The following HIBADH variants were observed in gnomAD, a reference collection of about 807,000 sequenced individuals.
HIBADH encodes the protein 3-hydroxyisobutyrate dehydrogenase, mitochondrial.
In HIBADH, 25 loss-of-function variants were observed where a neutral mutation model predicts 36.1. The observed-to-expected ratio is 0.69, with a 90% CI of 0.50 to 0.97. The LOEUF is 0.97. Among genes scored for constraint, HIBADH ranks in the 50% least tolerant of loss-of-function variants. The pLI, the probability that HIBADH is intolerant of heterozygous loss-of-function variation, is 0.00. For synonymous variants in HIBADH, 160 were observed against 149.5 expected, an observed-to-expected ratio of 1.07 and a Z score of -0.51; for missense variants, 421 against 418.0, an observed-to-expected ratio of 1.01 and a Z score of -0.06.
intron 5 of HIBADH, among the ~76,000 whole-genome samples, chr7:27,540,011 T>C (rs998335387): frequency 4.6e-5 from 7 of 151,600 alleles, no homozygotes; most frequent in African/African-American, 1.7e-4. Context: ...TGTCTCGGGG[T>C]GACAGAGGCA....
intron 4 of HIBADH, among the ~76,000 whole-genome samples, chr7:27,566,406 C>A (rs1034142623): frequency 6.6e-6 from 1 of 151,746 alleles, no homozygotes; most frequent in African/African-American, 2.4e-5. Context: ...ATTTACACTG[C>A]AAAATTTATG....
intron 4 of HIBADH, among the ~76,000 whole-genome samples, chr7:27,590,771 G>C (rs1008532827): frequency 6.6e-6 from 1 of 152,130 alleles, no homozygotes; most frequent in African/African-American, 2.4e-5. Context: ...TCAAAGTTTG[G>C]TCATAATATT....
chr7:27,640,748 G>T (rs1057506191), intron 2 of HIBADH, among the ~76,000 whole-genome samples: 2 of 152,146 alleles, frequency 1.3e-5, no homozygotes, highest in African/African-American at 2.4e-5. Flanking sequence ...AGACCTTCAT[G>T]GTGTAGTGTA....
chr7:27,612,955 T>C (rs188050715), intron 4 of HIBADH, among the ~76,000 whole-genome samples: 1,799 of 138,818 alleles, frequency 0.013, 20 homozygotes, highest in Admixed American at 0.022. Context: ...AAAATATATA[T>C]ATATTATTTA....
At chr7:27,624,277 G>A (rs1384780480) in intron 4 of HIBADH, among the ~76,000 whole-genome samples, 3 of 152,112 alleles carry the variant, frequency 2.0e-5, no homozygotes, top group South Asian at 2.1e-4. Context: ...AACAAGGCTA[G>A]AGATGCCACA....
intron 4 of HIBADH, among the ~76,000 whole-genome samples, chr7:27,548,806 T>C (rs1784274036): frequency 6.6e-6 from 1 of 152,158 alleles, no homozygotes; most frequent in African/African-American, 2.4e-5. Flanking sequence ...GTCAGATGAA[T>C]GAGGGCAATC....
intron 1 of HIBADH, among the ~76,000 whole-genome samples, chr7:27,651,778 CA>C (rs1266472166): frequency 6.6e-6 from 1 of 152,112 alleles, no homozygotes; most frequent in Admixed American, 6.5e-5. Context: ...TCCTTGCCTT[CA>C]ACAAGCTTAA....
chr7:27,564,258 T>A (rs772377388), intron 4 of HIBADH, among the ~76,000 whole-genome samples: 1 of 152,220 alleles, frequency 6.6e-6, no homozygotes, highest in Non-Finnish European at 1.5e-5. Flanking sequence ...TTGGGTGCCA[T>A]ATCACAGAAT....
intron 4 of HIBADH, among the ~76,000 whole-genome samples, chr7:27,612,881 A>G (rs1157501989): frequency 6.8e-6 from 1 of 146,908 alleles, no homozygotes; most frequent in African/African-American, 2.5e-5. Flanking sequence ...CAGGAGTTCA[A>G]GGATGCAGTA....
At chr7:27,557,247 TATCTC>T (rs1357295256) in intron 4 of HIBADH, among the ~76,000 whole-genome samples, 1 of 152,092 alleles carries the variant, frequency 6.6e-6, no homozygotes, top group Admixed American at 6.5e-5. Context: ...ATTTATATAT[TATCTC>T]AAGAGAATGG....
chr7:27,625,052 A>G (rs148168561), intron 4 of HIBADH, among the ~76,000 whole-genome samples: 1 of 152,360 alleles, frequency 6.6e-6, no homozygotes, highest in African/African-American at 2.4e-5. Context: ...ACAATACCAC[A>G]GAGCAGTTAA....
At chr7:27,585,676 T>G (rs1270568793) in intron 4 of HIBADH, among the ~76,000 whole-genome samples, 1 of 152,150 alleles carries the variant, frequency 6.6e-6, no homozygotes, top group Non-Finnish European at 1.5e-5. Flanking sequence ...AGATCAAATG[T>G]CAATGACACA....
At position 27,581,845 on chromosome 7, in the gene HIBADH, C is replaced by CA. The variant is rs557830327; in HGVS notation, c.485-38746dup. Among the ~76,000 whole-genome samples, 1,089 of 143,222 alleles carry CA rather than the reference C, an allele frequency of 7.6e-3. 4 individuals are homozygous for CA. The highest frequency in any genetic ancestry group is 0.014 in the South Asian group (65 of 4,526). The allele number at this position is 143,222 out of a possible 152,430, so 94.0% of individuals were successfully genotyped here. A position where few individuals can be genotyped will look rare whatever the true frequency, so the allele number is the denominator to read the frequency against. ...AGATTCTATTACAAAAAGGAATCTACAAAAAAAAAACCCAATTCAAATGGA... is the reference window on the plus strand; with the variant it reads ...AGATTCTATTACAAAAAGGAATCTACAAAAAAAAAAACCCAATTCAAATGGA... On this transcript the variant is annotated intron_variant, in intron 4 of 7. Transcript: ENST00000265395.
At chr7:27,585,412 T>A (rs896579648) in intron 4 of HIBADH, among the ~76,000 whole-genome samples, 2 of 152,152 alleles carry the variant, frequency 1.3e-5, no homozygotes, top group Non-Finnish European at 2.9e-5. Flanking sequence ...ATGCTAGGAC[T>A]AGACTTTTGT....
At chr7:27,540,138 T>C (rs1192834808) in intron 5 of HIBADH, among the ~76,000 whole-genome samples, 4 of 152,176 alleles carry the variant, frequency 2.6e-5, no homozygotes, top group Non-Finnish European at 5.9e-5. Flanking sequence ...AAAAACGTTT[T>C]TGTATGGTAC....
At chr7:27,622,019 C>T (rs1407937860) in intron 4 of HIBADH, among the ~76,000 whole-genome samples, 1 of 150,266 alleles carries the variant, frequency 6.7e-6, no homozygotes, top group Admixed American at 6.6e-5. Context: ...CTTTGGGAGG[C>T]CAAGGTAGGA....
intron 6 of HIBADH, among the ~76,000 whole-genome samples, chr7:27,533,426 G>A (rs149814252): frequency 0.01 from 1,537 of 152,072 alleles, 8 homozygotes; most frequent in Middle Eastern, 0.027. Flanking sequence ...CTTCCCCACC[G>A]TGCTGATTCC....
intron 4 of HIBADH, among the ~76,000 whole-genome samples, chr7:27,615,986 C>T (rs1237821593): frequency 1.3e-5 from 2 of 152,070 alleles, no homozygotes; most frequent in African/African-American, 4.8e-5. Flanking sequence ...AAAGGAATAC[C>T]CAAGGCTGGA....
intron 4 of HIBADH, among the ~76,000 whole-genome samples, chr7:27,593,215 T>A (rs1203961069): frequency 6.6e-6 from 1 of 152,210 alleles, no homozygotes; most frequent in Non-Finnish European, 1.5e-5. Flanking sequence ...GAGCATCATG[T>A]CAGCCCTCAA....
Sources: allele counts gnomAD v4.1 joint callset (sites outside exome capture counted in the v4.1 genomes callset), GRCh38; gene constraint gnomAD v4.1.1; transcripts MANE v1.5; gene names NCBI Gene and HGNC (gene_info 2026-07-23, HGNC 2026-07-21).